HOMER1: variants seen among roughly 807,000 people sequenced by gnomAD.
HOMER1 encodes the protein homer scaffold protein 1, also known as homer protein homolog 1.
A neutral mutation model predicts 48.9 loss-of-function variants in HOMER1; 3 were observed. The observed-to-expected ratio is 0.06, with a 90% confidence interval of 0.03 to 0.16. The LOEUF (loss-of-function observed/expected upper bound fraction) is 0.16, where lower values mean the gene tolerates loss of function less well. Among genes scored for constraint, HOMER1 ranks in the 10% least tolerant of loss-of-function variants. HOMER1 has a pLI of 1.00. For missense variants in HOMER1, 247 were observed against 411.4 expected (o/e 0.60, Z 3.46); for synonymous variants, 134 against 146.4 (o/e 0.92, Z 0.61).
intron 5 of HOMER1, among the ~76,000 whole-genome samples, chr5:79,436,132 C>G (rs1006808538): frequency 4.8e-5 from 7 of 145,056 alleles, no homozygotes; most frequent in Non-Finnish European, 4.5e-5. Flanking sequence ...GACTCCGTCT[C>G]AAAAAAAATA....
intron 5 of HOMER1, among the ~76,000 whole-genome samples, chr5:79,419,685 T>C (rs1750044143): frequency 6.6e-6 from 1 of 152,054 alleles, no homozygotes; most frequent in Admixed American, 6.5e-5. Flanking sequence ...AAACTTCATA[T>C]GCAAGCTAAA....
chr5:79,381,041 C>CA, intron 8 of HOMER1, among the ~76,000 whole-genome samples: 1 of 152,254 alleles, frequency 6.6e-6, no homozygotes, highest in East Asian at 1.9e-4. Flanking sequence ...CAGGAGACCC[C>CA]AAAATCAGCT....
intron 5 of HOMER1, among the ~76,000 whole-genome samples, chr5:79,419,491 G>A (rs772387983): frequency 3.6e-4 from 54 of 151,844 alleles, no homozygotes; most frequent in Non-Finnish European, 6.3e-4. Flanking sequence ...TTACGTAAAA[G>A]TTTTATGAGC....
intron 1 of HOMER1, 90 bp from the exon 2 acceptor site, chr5:79,457,108 C>A: frequency 8.2e-7 from 1 of 1,224,976 alleles, no homozygotes. Context: ...GATGATTCTG[C>A]TTAATCAACA....
intron 1 of HOMER1, among the ~76,000 whole-genome samples, chr5:79,494,091 T>C (rs1277272903): frequency 6.6e-6 from 1 of 152,206 alleles, no homozygotes; most frequent in Non-Finnish European, 1.5e-5. Context: ...TCTTGGCTCT[T>C]GTGACACTAT....
intron 1 of HOMER1, among the ~76,000 whole-genome samples, chr5:79,479,276 G>A (rs10042665): frequency 2.6e-5 from 4 of 152,004 alleles, no homozygotes; most frequent in Non-Finnish European, 5.9e-5. Flanking sequence ...TAATGGCCCC[G>A]AAAGAAACCT....
At chr5:79,417,710 A>G (rs2112242452) in intron 5 of HOMER1, among the ~76,000 whole-genome samples, 1 of 152,346 alleles carries the variant, frequency 6.6e-6, no homozygotes, top group Middle Eastern at 3.4e-3. Context: ...GAATGTTTTT[A>G]TCTGGCCTTC....
intron 6 of HOMER1, among the ~76,000 whole-genome samples, chr5:79,400,738 TCTTC>T (rs1358765529): frequency 1.4e-5 from 2 of 144,868 alleles, no homozygotes; most frequent in Non-Finnish European, 3.0e-5. Flanking sequence ...AAAAAAAACT[TCTTC>T]TTTTTTTTTT....
At chr5:79,389,980 A>G (rs185326548) in intron 8 of HOMER1, among the ~76,000 whole-genome samples, 94 of 152,266 alleles carry the variant, frequency 6.2e-4, no homozygotes, top group Non-Finnish European at 1.1e-3. Flanking sequence ...GAGTCAAAGG[A>G]TATCATTAAA....
chr5:79,443,039 GTTAA>G lies in HOMER1; in HGVS notation c.388-3894_388-3891del, dbSNP rs1254248846. Among the ~76,000 whole-genome samples the G allele has an allele frequency of 6.6e-5, 10 of 152,164 alleles. No individual in the cohort carries two copies. In the East Asian group the frequency reaches 7.7e-4, roughly 12 times the overall value. On this transcript the variant is annotated intron_variant, in intron 4 of 8. Transcript: ENST00000334082. ...GCTGATTGATGCTTAGGGTTAGTGG[GTTAA>G]TTGTTACTCTGCTTGAATATTTTGC... is the stretch of plus-strand genomic sequence containing the variant.
Position 79,421,580 on chromosome 5 carries a change from A to G in HOMER1, c.527+17430T>C, listed in dbSNP as rs560989942. ...ACATAATCAAGAATACTATGAGCAC[A>G]CACACACACACTAAACCCTGTTATT... On this transcript the variant is annotated intron_variant, in intron 5 of 8. Coordinates refer to ENST00000334082, the MANE Select transcript of HOMER1 (RefSeq NM_004272.5). 7.3e-4 allele frequency among the ~76,000 whole-genome samples: 111 copies of G among 152,028 alleles called. 1 individual carries two copies. The highest frequency in any genetic ancestry group is 2.5e-3 in the African/African-American group (104 of 41,486).
intron 8 of HOMER1, among the ~76,000 whole-genome samples, chr5:79,392,599 A>C (rs1248394716): frequency 1.3e-5 from 2 of 152,194 alleles, no homozygotes; most frequent in African/African-American, 4.8e-5. Context: ...TGTTACAGTA[A>C]GCTAAGGCTA....
In HOMER1 at chr5:79,506,920, T is replaced by G. The variant is rs554768963; in HGVS notation, c.5+5850A>C. Among the ~76,000 whole-genome samples, 5 of 152,094 alleles carry G rather than the reference T, an allele frequency of 3.3e-5. 1 individual carries two copies. In the South Asian group the frequency reaches 1.0e-3, roughly 32 times the overall value. ...TTGAATGATTAGCTTTTAAAAAGTT[T>G]TACCTACTCTTGGCAGGGCGCGGTG... On this transcript the variant is annotated intron_variant, in intron 1 of 8. Coordinates refer to ENST00000334082, the MANE Select transcript of HOMER1 (RefSeq NM_004272.5).
chr5:79,382,147 C>T (rs374075855), intron 8 of HOMER1, among the ~76,000 whole-genome samples: 1 of 152,004 alleles, frequency 6.6e-6, no homozygotes, highest in Non-Finnish European at 1.5e-5. Context: ...TAAGCAAAGC[C>T]TCTGTGACAT....
chr5:79,501,740 G>A (rs1012357503), intron 1 of HOMER1, among the ~76,000 whole-genome samples: 7 of 152,114 alleles, frequency 4.6e-5, no homozygotes, highest in Non-Finnish European at 1.0e-4. Context: ...GGAGCTGGGG[G>A]AATCCAGCAC....
At chr5:79,507,231 A>T (rs568246462) in intron 1 of HOMER1, among the ~76,000 whole-genome samples, 4 of 151,134 alleles carry the variant, frequency 2.6e-5, no homozygotes, top group Non-Finnish European at 5.9e-5. Flanking sequence ...AAAAAAAAAA[A>T]AAAACCAAAA....
At chr5:79,428,971 T>A (rs568993490) in intron 5 of HOMER1, among the ~76,000 whole-genome samples, 2 of 152,222 alleles carry the variant, frequency 1.3e-5, no homozygotes, top group Non-Finnish European at 1.5e-5. Flanking sequence ...CTAAAATTCA[T>A]AGGGAAATTC....
At position 79,456,992 on chromosome 5, in the gene HOMER1, G is replaced by C. The variant is rs1324702376; in HGVS notation, c.32C>G (p.Ala11Gly). Residue 11 changes from alanine (A) to glycine (G), a missense_variant, in exon 2 of 9, where the codon GCT (alanine) becomes GGT (glycine). This residue lies in a region of HOMER1 where 38 missense variants were observed against 114.9 expected (regional missense o/e 0.33). Coordinates refer to ENST00000334082, the MANE Select transcript of HOMER1 (RefSeq NM_004272.5). ...GTTTGGGTCAATTTGGAAGACATGA[G>C]CTCGAGTGCTGAAGATAGGTTGTTC... MGEQPIFSTR[A>G]HVFQIDPNTK... 1.9e-6 allele frequency: 3 copies of C among 1,614,050 alleles called. No homozygotes were observed. Among genetic ancestry groups the C allele is most frequent in the Admixed American group, 3.3e-5 (2 of 60,010 alleles).
chr5:79,454,267 C>A lies in HOMER1; in HGVS notation c.162+2595G>T, dbSNP rs147915202. Among the ~76,000 whole-genome samples, 1,138 of 152,080 alleles carry A rather than the reference C, an allele frequency of 7.5e-3. 14 individuals are homozygous for A. The highest frequency in any genetic ancestry group is 0.026 in the African/African-American group (1,086 of 41,494). On this transcript the variant is annotated intron_variant, in intron 2 of 8. Transcript: ENST00000334082. ...TCACTTCCATATGGTTTCTTTTCTC[C>A]GACATGGGACTATTCAGTTGACCTT... is the stretch of plus-strand genomic sequence containing the variant.
Sources: gnomAD v4.1 joint callset for allele counts (sites outside exome capture counted in the v4.1 genomes callset) on GRCh38, gnomAD v4.1.1 for gene constraint, gnomAD v4.1.1 regional missense constraint, MANE v1.5 for transcripts, NCBI Gene and HGNC (gene_info 2026-07-23, HGNC 2026-07-21) for gene names.